The following IMMP2L variants were observed in gnomAD, a reference collection of about 807,000 sequenced individuals.
IMMP2L encodes the protein mitochondrial inner membrane protease subunit 2.
Under a neutral mutation model 19.3 loss-of-function variants are expected in IMMP2L, and 18 were observed. The observed-to-expected ratio is 0.93, with a 90% CI of 0.64 to 1.38. The LOEUF (loss-of-function observed/expected upper bound fraction) is 1.38. Among genes scored for constraint, IMMP2L ranks in the 40% most tolerant of loss-of-function variants. IMMP2L has a pLI of 0.00. For missense variants in IMMP2L, 233 were observed against 218.2 expected (o/e 1.07, Z -0.43); for synonymous variants, 76 against 73.0 (o/e 1.04, Z -0.21).
At chr7:111,137,254 A>T (rs1802437149) in intron 3 of IMMP2L, among the ~76,000 whole-genome samples, 1 of 152,144 alleles carries the variant, frequency 6.6e-6, no homozygotes, top group Admixed American at 6.6e-5. Flanking sequence ...TATTTACGAG[A>T]AGACTCATTC....
chr7:111,228,223 C>T (rs1398002863), intron 3 of IMMP2L, among the ~76,000 whole-genome samples: 2 of 151,936 alleles, frequency 1.3e-5, no homozygotes, highest in African/African-American at 4.8e-5. Context: ...AAGACAATAG[C>T]ATATAAATAA....
At chr7:111,467,749 A>C (rs1585224217) in intron 3 of IMMP2L, among the ~76,000 whole-genome samples, 1 of 152,182 alleles carries the variant, frequency 6.6e-6, no homozygotes, top group East Asian at 1.9e-4. Flanking sequence ...TTTCAAATTA[A>C]GTAATTAAGT....
chr7:111,308,681 T>C (rs761208339), intron 3 of IMMP2L, among the ~76,000 whole-genome samples: 22 of 151,990 alleles, frequency 1.4e-4, no homozygotes, highest in Admixed American at 6.6e-4. Context: ...AGTACCTTTG[T>C]CATAAACTTT....
intron 3 of IMMP2L, among the ~76,000 whole-genome samples, chr7:111,419,926 G>T (rs766473298): frequency 6.6e-6 from 1 of 151,834 alleles, no homozygotes; most frequent in Non-Finnish European, 1.5e-5. Flanking sequence ...AAGTAGTGGA[G>T]AAGTGTTACA....
At chr7:111,142,776 G>A (rs1343731553) in intron 3 of IMMP2L, among the ~76,000 whole-genome samples, 2 of 152,140 alleles carry the variant, frequency 1.3e-5, no homozygotes, top group African/African-American at 4.8e-5. Flanking sequence ...GGCTTAAAAT[G>A]GAGCAATATC....
chr7:111,504,398 A>C (rs1844651307), intron 2 of IMMP2L, among the ~76,000 whole-genome samples: 2 of 152,086 alleles, frequency 1.3e-5, no homozygotes, highest in East Asian at 1.9e-4. Context: ...CATACTGCCC[A>C]AGGTAATTTA....
intron 2 of IMMP2L, among the ~76,000 whole-genome samples, chr7:111,498,650 C>G (rs747974819): frequency 6.6e-6 from 1 of 152,098 alleles, no homozygotes; most frequent in Non-Finnish European, 1.5e-5. Context: ...GCCAAATTCC[C>G]CAACATATAC....
At position 111,025,052 on chromosome 7, in the gene IMMP2L, T is replaced by C. The variant is rs59094008; in HGVS notation, c.240-61487A>G. On this transcript the variant is annotated intron_variant, in intron 3 of 5. Coordinates refer to ENST00000405709, the MANE Select transcript of IMMP2L (RefSeq NM_032549.4). ...AATAGGAATGGAAATGGTTCATCTATCTCTTTCATTCCTTCCTTCACCTAC... is the reference window on the plus strand; with the variant it reads ...AATAGGAATGGAAATGGTTCATCTACCTCTTTCATTCCTTCCTTCACCTAC... Among the ~76,000 whole-genome samples, 731 of 152,256 alleles carry C rather than the reference T, an allele frequency of 4.8e-3. 6 individuals are homozygous for C. Among genetic ancestry groups the C allele is most frequent in the African/African-American group, 0.017 (701 of 41,538 alleles).
At chr7:110,782,035 G>A (rs1390901087) in intron 5 of IMMP2L, among the ~76,000 whole-genome samples, 1 of 151,868 alleles carries the variant, frequency 6.6e-6, no homozygotes, top group East Asian at 1.9e-4. Flanking sequence ...TGTAAGAGCT[G>A]AGACCTGAAG....
intron 3 of IMMP2L, among the ~76,000 whole-genome samples, chr7:111,208,588 G>C (rs533835310): frequency 6.6e-6 from 1 of 152,178 alleles, no homozygotes; most frequent in East Asian, 1.9e-4. Context: ...AGAAGAACTA[G>C]AAAATTATCT....
At chr7:111,128,670 C>T (rs913373464) in intron 3 of IMMP2L, among the ~76,000 whole-genome samples, 1 of 151,986 alleles carries the variant, frequency 6.6e-6, no homozygotes, top group African/African-American at 2.4e-5. Flanking sequence ...ACTAAAAATA[C>T]AAAAATTAGC....
Position 110,954,783 on chromosome 7 carries a change from T to C in IMMP2L, c.305+8717A>G, listed in dbSNP as rs145194144. On this transcript the variant is annotated intron_variant, in intron 4 of 5. Transcript: ENST00000405709. ...AATAAACATGCAAGATTTTCATAGC[T>C]AAAGATGAACTCTATTCACGAGAGA... Among the ~76,000 whole-genome samples the C allele has an allele frequency of 7.2e-3, 1,100 of 152,178 alleles. 13 individuals are homozygous for C. Among genetic ancestry groups the C allele is most frequent in the African/African-American group, 0.025 (1,043 of 41,550 alleles).
intron 4 of IMMP2L, among the ~76,000 whole-genome samples, chr7:110,919,338 G>A (rs1813993927): frequency 6.6e-6 from 1 of 152,100 alleles, no homozygotes; most frequent in Non-Finnish European, 1.5e-5. Context: ...TTGTGGTTAA[G>A]GTATAACAAA....
intron 3 of IMMP2L, among the ~76,000 whole-genome samples, chr7:111,239,752 G>T (rs572800016): frequency 1.3e-5 from 2 of 151,842 alleles, no homozygotes. Flanking sequence ...GCAATCACTG[G>T]AAAAAATGTA....
chr7:111,324,274 T>C (rs1015788798), intron 3 of IMMP2L, among the ~76,000 whole-genome samples: 1 of 151,458 alleles, frequency 6.6e-6, no homozygotes, highest in Non-Finnish European at 1.5e-5. Flanking sequence ...AAAGAAGAAA[T>C]AGTCATCAAA....
intron 3 of IMMP2L, among the ~76,000 whole-genome samples, chr7:111,082,855 C>CA (rs59384730): frequency 0.069 from 4,914 of 71,082 alleles, 129 homozygotes; most frequent in Middle Eastern, 0.14. Flanking sequence ...GCGATTTTGC[C>CA]AAAAAAAAAA....
intron 3 of IMMP2L, among the ~76,000 whole-genome samples, chr7:111,022,337 A>G (rs778338425): frequency 9.2e-5 from 14 of 152,204 alleles, no homozygotes; most frequent in Non-Finnish European, 5.9e-5. Flanking sequence ...CCTTAGAACG[A>G]AGTGCCCCCA....
At chr7:110,861,244 A>G (rs1176038327) in intron 5 of IMMP2L, among the ~76,000 whole-genome samples, 1 of 151,242 alleles carries the variant, frequency 6.6e-6, no homozygotes, top group Non-Finnish European at 1.5e-5. Flanking sequence ...AAAATGAAAC[A>G]TTTTTCCATT....
chr7:111,201,278 C>CA (rs1810078053), intron 3 of IMMP2L, among the ~76,000 whole-genome samples: 26 of 138,098 alleles, frequency 1.9e-4, no homozygotes, highest in African/African-American at 6.2e-4. Context: ...CGTATCAAAT[C>CA]CAAAAAAAAA....
Sources: allele counts gnomAD v4.1 joint callset (sites outside exome capture counted in the v4.1 genomes callset), GRCh38; gene constraint gnomAD v4.1.1; transcripts MANE v1.5; gene names NCBI Gene and HGNC (gene_info 2026-07-23, HGNC 2026-07-21).